PSD3: variants seen among roughly 807,000 people sequenced by gnomAD.
PSD3 encodes PH and SEC7 domain-containing protein 3.
In PSD3, 49 loss-of-function variants were observed where a neutral mutation model predicts 105.5. The ratio of observed to expected loss-of-function variants is 0.46; its 90% CI spans 0.37 to 0.59. PSD3 has a LOEUF of 0.59. Ranked by LOEUF, PSD3 falls within the 20% of genes least tolerant of loss-of-function variation. The pLI, the probability that PSD3 is intolerant of heterozygous loss-of-function variation, is 0.00. For synonymous variants in PSD3, 557 were observed against 457.8 expected (o/e 1.22, Z -2.77); for missense variants, 1,561 against 1,263.8 (o/e 1.24, Z -3.57).
At chr8:18,710,224 C>T (rs1393370486) in intron 9 of PSD3, among the ~76,000 whole-genome samples, 2 of 151,952 alleles carry the variant, frequency 1.3e-5, no homozygotes, top group African/African-American at 4.8e-5. Context: ...CCAAACAGAC[C>T]ATGTGGAGGA....
chr8:18,728,881 C>A (rs1803523216), intron 9 of PSD3, among the ~76,000 whole-genome samples: 1 of 152,050 alleles, frequency 6.6e-6, no homozygotes, highest in South Asian at 2.1e-4. Flanking sequence ...GGGAAGGGGA[C>A]AGAGAGGGTG....
At chr8:18,807,187 C>A (rs191856073) in intron 4 of PSD3, among the ~76,000 whole-genome samples, 9 of 152,318 alleles carry the variant, frequency 5.9e-5, no homozygotes, top group Non-Finnish European at 1.2e-4. Context: ...ACCTCATTTA[C>A]AAGTTCCCTT....
chr8:18,659,003 G>C (rs529636716), intron 9 of PSD3, among the ~76,000 whole-genome samples: 15 of 152,198 alleles, frequency 9.9e-5, no homozygotes, highest in Non-Finnish European at 2.2e-4. Flanking sequence ...CCCAGCTCCA[G>C]TATGAAAGTT....
intron 14 of PSD3, among the ~76,000 whole-genome samples, chr8:18,563,574 T>C (rs183112530): frequency 6.6e-6 from 1 of 152,188 alleles, no homozygotes; most frequent in South Asian, 2.1e-4. Context: ...CAAAAGATTG[T>C]TTCATAATTT....
At chr8:18,540,950 T>C (rs1160327498) in intron 15 of PSD3, among the ~76,000 whole-genome samples, 1 of 152,020 alleles carries the variant, frequency 6.6e-6, no homozygotes, top group Non-Finnish European at 1.5e-5. Flanking sequence ...CTGTGGAACT[T>C]GCTATTCTCT....
chr8:18,664,037 A>G (rs1809543238), intron 9 of PSD3, among the ~76,000 whole-genome samples: 1 of 152,230 alleles, frequency 6.6e-6, no homozygotes, highest in Admixed American at 6.5e-5. Flanking sequence ...GGTAAACTTA[A>G]TAAATGTTAT....
At chr8:18,549,435 C>T (rs1044481562) in intron 15 of PSD3, among the ~76,000 whole-genome samples, 13 of 151,972 alleles carry the variant, frequency 8.6e-5, no homozygotes, top group African/African-American at 2.7e-4. Context: ...CTTGAACTCC[C>T]GACCTCAGGT....
intron 8 of PSD3, among the ~76,000 whole-genome samples, chr8:18,779,999 G>A (rs1025510151): frequency 6.6e-6 from 1 of 152,174 alleles, no homozygotes; most frequent in East Asian, 1.9e-4. Context: ...TAGATGATCA[G>A]TCCAAGGCTG....
chr8:19,051,879 C>T (rs980439566), intron 1 of PSD3, among the ~76,000 whole-genome samples: 7 of 151,990 alleles, frequency 4.6e-5, no homozygotes, highest in African/African-American at 9.7e-5. Flanking sequence ...TTAGCTCAGG[C>T]GTGAAGAAAT....
intron 1 of PSD3, chr8:19,000,465 CTG>C (rs748564555): frequency 0.017 from 2,591 of 151,218 alleles, 56 homozygotes; most frequent in Middle Eastern, 0.041. Flanking sequence ...ATCTCTGAGA[CTG>C]CTACATCACA....
intron 1 of PSD3, among the ~76,000 whole-genome samples, chr8:18,955,856 C>T (rs950734123): frequency 1.3e-5 from 2 of 152,086 alleles, no homozygotes; most frequent in African/African-American, 2.4e-5. Context: ...TCAACCTCCG[C>T]CTCCCGGGTT....
intron 9 of PSD3, among the ~76,000 whole-genome samples, chr8:18,744,978 T>C (rs1804889604): frequency 6.6e-6 from 1 of 152,204 alleles, no homozygotes; most frequent in Non-Finnish European, 1.5e-5. Context: ...GCTGCTGTTT[T>C]CTCATGTTTA....
chr8:18,902,109 A>C (rs1237001356), intron 2 of PSD3, among the ~76,000 whole-genome samples: 2 of 152,110 alleles, frequency 1.3e-5, no homozygotes, highest in Non-Finnish European at 2.9e-5. Flanking sequence ...CAAACTTGGG[A>C]AGTTTTCAGT....
chr8:18,621,166 G>A (rs1213983589), intron 11 of PSD3, among the ~76,000 whole-genome samples: 2 of 152,132 alleles, frequency 1.3e-5, no homozygotes, highest in Non-Finnish European at 2.9e-5. Context: ...CCAGCACTTC[G>A]GGAGGCTGAG....
chr8:19,074,273 G>A (rs537454341), intron 1 of PSD3, among the ~76,000 whole-genome samples: 1 of 152,154 alleles, frequency 6.6e-6, no homozygotes, highest in Non-Finnish European at 1.5e-5. Context: ...CTGTCTCTTA[G>A]CAACGTCTTG....
intron 14 of PSD3, among the ~76,000 whole-genome samples, chr8:18,572,171 A>AT (rs1208861622): frequency 6.6e-6 from 1 of 152,228 alleles, no homozygotes. Flanking sequence ...AATATGGTAA[A>AT]TGCTCAATAA....
chr8:18,655,707 T>A, intron 9 of PSD3, 22 bp from the exon 10 acceptor site: 1 of 1,606,006 alleles, frequency 6.2e-7, no homozygotes, highest in Non-Finnish European at 8.5e-7. Context: ...GAAAATGAGA[T>A]CACATTATTC....
At chr8:18,875,681 G>T (rs1361207901) in intron 2 of PSD3, among the ~76,000 whole-genome samples, 2 of 151,890 alleles carry the variant, frequency 1.3e-5, no homozygotes, top group Non-Finnish European at 2.9e-5. Context: ...GGATACAGGT[G>T]CCCATCACCA....
chr8:18,776,973 T>C (rs189731372), intron 8 of PSD3, among the ~76,000 whole-genome samples: 15 of 152,188 alleles, frequency 9.9e-5, no homozygotes, highest in Admixed American at 8.5e-4. Context: ...TCAGTAGTTA[T>C]GTCTCTTTTT....
Sources: gnomAD v4.1 joint callset for allele counts (sites outside exome capture counted in the v4.1 genomes callset) on GRCh38, gnomAD v4.1.1 for gene constraint, MANE v1.5 for transcripts, NCBI Gene and HGNC (gene_info 2026-07-23, HGNC 2026-07-21) for gene names.